Variants in ST6GALNAC3 observed in about 807,000 individuals in gnomAD.
ST6GALNAC3 encodes alpha-N-acetylgalactosaminide alpha-2,6-sialyltransferase 3.
ST6GALNAC3 carries 25 observed loss-of-function variants against 32.7 expected under a neutral mutation model. That is an observed-to-expected ratio of 0.76 (90% CI 0.56 to 1.07). ST6GALNAC3 has a LOEUF of 1.07. Among genes scored for constraint, ST6GALNAC3 ranks in the 50% least tolerant of loss-of-function variants. The probability of loss-of-function intolerance (pLI) is 0.00; values close to 1 mark genes in which losing one functional copy is unlikely to be tolerated. For missense variants in ST6GALNAC3, 355 were observed against 382.4 expected, an observed-to-expected ratio of 0.93 and a Z score of 0.60; for synonymous variants, 129 against 133.1, an observed-to-expected ratio of 0.97 and a Z score of 0.21.
chr1:76,617,762 A>T (rs531248200), intron 3 of ST6GALNAC3, among the ~76,000 whole-genome samples: 29 of 152,312 alleles, frequency 1.9e-4, no homozygotes, highest in African/African-American at 6.7e-4. Flanking sequence ...TGCAAGGAAC[A>T]GATGTCTCCT....
At chr1:76,098,845 AC>A (rs1647175421) in intron 1 of ST6GALNAC3, among the ~76,000 whole-genome samples, 1 of 152,004 alleles carries the variant, frequency 6.6e-6, no homozygotes, top group Non-Finnish European at 1.5e-5. Context: ...GAAGTCTTTC[AC>A]TAGTTTGATT....
At chr1:76,362,799 T>A (rs1222844510) in intron 2 of ST6GALNAC3, among the ~76,000 whole-genome samples, 1 of 152,220 alleles carries the variant, frequency 6.6e-6, no homozygotes, top group Admixed American at 6.5e-5. Flanking sequence ...CTTGGGCAGC[T>A]CTGTCCATGT....
At chr1:76,485,404 G>T (rs1280891519) in intron 3 of ST6GALNAC3, among the ~76,000 whole-genome samples, 7 of 152,150 alleles carry the variant, frequency 4.6e-5, no homozygotes, top group Non-Finnish European at 1.5e-5. Flanking sequence ...TTCAGAGCCT[G>T]TTATTGGTCT....
chr1:76,167,085 A>G (rs569973236), intron 1 of ST6GALNAC3, among the ~76,000 whole-genome samples: 1 of 152,266 alleles, frequency 6.6e-6, no homozygotes, highest in African/African-American at 2.4e-5. Context: ...CTGGTTTTCA[A>G]GGGAAATGCT....
At chr1:76,170,476 G>A (rs1652418613) in intron 1 of ST6GALNAC3, among the ~76,000 whole-genome samples, 1 of 152,136 alleles carries the variant, frequency 6.6e-6, no homozygotes. Context: ...CTGCAAAAAT[G>A]TTTAAAAAAG....
At chr1:76,471,463 G>A (rs758057371) in intron 3 of ST6GALNAC3, among the ~76,000 whole-genome samples, 5 of 152,018 alleles carry the variant, frequency 3.3e-5, no homozygotes, top group Admixed American at 1.3e-4. Context: ...CCCAGTAAGC[G>A]ATAAGCTCAG....
intron 1 of ST6GALNAC3, among the ~76,000 whole-genome samples, chr1:76,129,308 C>T (rs918195530): frequency 2.0e-5 from 3 of 152,122 alleles, no homozygotes; most frequent in African/African-American, 4.8e-5. Context: ...CAGACCACTC[C>T]GGGCACAGTG....
At chr1:76,349,264 A>C (rs1648779678) in intron 2 of ST6GALNAC3, among the ~76,000 whole-genome samples, 1 of 152,128 alleles carries the variant, frequency 6.6e-6, no homozygotes, top group South Asian at 2.1e-4. Context: ...GATTCTTAAA[A>C]GTGTCCATGA....
chr1:76,152,164 T>C (rs1442246003), intron 1 of ST6GALNAC3, among the ~76,000 whole-genome samples: 1 of 152,210 alleles, frequency 6.6e-6, no homozygotes, highest in African/African-American at 2.4e-5. Flanking sequence ...TAAAGTCTCC[T>C]AGGAAGATCA....
intron 3 of ST6GALNAC3, among the ~76,000 whole-genome samples, chr1:76,448,125 A>G (rs949319489): frequency 6.6e-6 from 1 of 152,178 alleles, no homozygotes; most frequent in African/African-American, 2.4e-5. Flanking sequence ...ACCCAAGACC[A>G]TGGGAACCCA....
At chr1:76,467,655 T>C (rs984908399) in intron 3 of ST6GALNAC3, among the ~76,000 whole-genome samples, 1 of 152,030 alleles carries the variant, frequency 6.6e-6, no homozygotes, top group Non-Finnish European at 1.5e-5. Context: ...CAATAGTGGT[T>C]ATCTGGATGT....
chr1:76,501,233 G>A (rs995292450), intron 3 of ST6GALNAC3, among the ~76,000 whole-genome samples: 1 of 152,106 alleles, frequency 6.6e-6, no homozygotes, highest in African/African-American at 2.4e-5. Flanking sequence ...ATCTCCTGAT[G>A]GAAAAGGCCA....
chr1:76,088,926 C>A (rs1647001477), intron 1 of ST6GALNAC3, among the ~76,000 whole-genome samples: 1 of 152,194 alleles, frequency 6.6e-6, no homozygotes, highest in South Asian at 2.1e-4. Context: ...ATTGAGCTGG[C>A]TTTGGGAGCT....
At chr1:76,330,048 A>G (rs185679229) in intron 2 of ST6GALNAC3, among the ~76,000 whole-genome samples, 1 of 152,098 alleles carries the variant, frequency 6.6e-6, no homozygotes, top group Admixed American at 6.5e-5. Context: ...ACCTCAGTTG[A>G]TTCACCTGCC....
At chr1:76,289,592 G>C (rs1051027430) in intron 1 of ST6GALNAC3, among the ~76,000 whole-genome samples, 1 of 152,200 alleles carries the variant, frequency 6.6e-6, no homozygotes. Context: ...GGGGCTGAGG[G>C]GTAAGAGGGA....
intron 1 of ST6GALNAC3, among the ~76,000 whole-genome samples, chr1:76,287,754 C>T (rs1055721625): frequency 1.3e-5 from 2 of 152,196 alleles, no homozygotes; most frequent in African/African-American, 4.8e-5. Context: ...TGTGTTTGTT[C>T]TTCACATTAT....
chr1:76,588,087 A>G lies in ST6GALNAC3; in HGVS notation c.624-39365A>G, dbSNP rs551579102. On this transcript the variant is annotated intron_variant, in intron 3 of 4. Coordinates refer to ENST00000328299, the MANE Select transcript of ST6GALNAC3 (RefSeq NM_152996.4). The stretch of plus-strand genomic sequence containing the variant: ...CAGCCAGTCTGCTCCTGACCAGACC[A>G]GATCTCAGCCTAGATCCCATTCCTC... Among the ~76,000 whole-genome samples the G allele has an allele frequency of 9.8e-5, 15 of 152,328 alleles. No individual in the cohort carries two copies. In the East Asian group the frequency reaches 1.5e-3, roughly 16 times the overall value.
chr1:76,110,438 G>T (rs1647843100), intron 1 of ST6GALNAC3, among the ~76,000 whole-genome samples: 1 of 152,270 alleles, frequency 6.6e-6, no homozygotes, highest in Non-Finnish European at 1.5e-5. Flanking sequence ...TGAATCATTT[G>T]TATTAATGCT....
chr1:76,209,061 G>A lies in ST6GALNAC3; in HGVS notation c.19-104744G>A, dbSNP rs138097941. On this transcript the variant is annotated intron_variant, in intron 1 of 4. Coordinates refer to ENST00000328299, the MANE Select transcript of ST6GALNAC3 (RefSeq NM_152996.4). ...AGTGGCTCATTTTGCTTAATTGCTG[G>A]AGTTTTCTCTGGCCTTTTGTTATTT... Among the ~76,000 whole-genome samples the A allele has an allele frequency of 4.2e-4, 64 of 152,184 alleles. 1 individual carries two copies. Among genetic ancestry groups the A allele is most frequent in the Admixed American group, 3.5e-3 (53 of 15,294 alleles).
Sources: gnomAD v4.1 joint callset for allele counts (sites outside exome capture counted in the v4.1 genomes callset) on GRCh38, gnomAD v4.1.1 for gene constraint, MANE v1.5 for transcripts, NCBI Gene and HGNC (gene_info 2026-07-23, HGNC 2026-07-21) for gene names.